PARD3: variants seen among roughly 807,000 people sequenced by gnomAD.
The protein encoded by PARD3 is par-3 family cell polarity regulator.
In PARD3, 75 loss-of-function variants were observed where a neutral mutation model predicts 155.4. The ratio of observed to expected loss-of-function variants is 0.48; its 90% confidence interval spans 0.40 to 0.58. The LOEUF (loss-of-function observed/expected upper bound fraction) is 0.58. Ranked by LOEUF, PARD3 falls within the 20% of genes least tolerant of loss-of-function variation. The pLI is 0.00. For missense variants in PARD3, 1,642 were observed against 1,721.7 expected, an observed-to-expected ratio of 0.95 and a Z score of 0.82; for synonymous variants, 576 against 610.5, an observed-to-expected ratio of 0.94 and a Z score of 0.83.
At chr10:34,790,700 G>C (rs1384290655) in intron 1 of PARD3, among the ~76,000 whole-genome samples, 1 of 152,222 alleles carries the variant, frequency 6.6e-6, no homozygotes, top group Non-Finnish European at 1.5e-5. Context: ...TGTAAGATTT[G>C]TGTAAATATT....
At chr10:34,782,579 A>T (rs935589454) in intron 1 of PARD3, among the ~76,000 whole-genome samples, 2 of 152,216 alleles carry the variant, frequency 1.3e-5, no homozygotes, top group African/African-American at 4.8e-5. Context: ...AAGACTTAAC[A>T]GTAGACATTA....
chr10:34,653,161 G>C (rs1048143495), intron 2 of PARD3, among the ~76,000 whole-genome samples: 1 of 152,088 alleles, frequency 6.6e-6, no homozygotes, highest in Non-Finnish European at 1.5e-5. Context: ...GGTATTTTGG[G>C]CTGTTACAAG....
At chr10:34,284,657 A>G (rs1956302518) in intron 20 of PARD3, among the ~76,000 whole-genome samples, 1 of 152,200 alleles carries the variant, frequency 6.6e-6, no homozygotes, top group South Asian at 2.1e-4. Flanking sequence ...CTAGTTAATA[A>G]TCTTTCCATA....
intron 2 of PARD3, 37 bp downstream of exon 2, chr10:34,696,281 A>AG: frequency 7.8e-7 from 1 of 1,276,740 alleles, no homozygotes. Flanking sequence ...AAAAAAAAAA[A>AG]TGCATTCAGA....
At position 34,423,866 on chromosome 10, in the gene PARD3, T is replaced by C. The variant is rs534024354; in HGVS notation, c.715-21949A>G. Among the ~76,000 whole-genome samples the C allele has an allele frequency of 3.9e-5, 6 of 152,262 alleles. No homozygotes were observed. In the South Asian group the frequency reaches 1.2e-3, roughly 32 times the overall value. ...TGGTGTTTTTCAACTCACAGAACCG[T>C]TATTAAAGTTCAAATATTAACAAAC... On this transcript the variant is annotated intron_variant, in intron 5 of 24. Transcript: ENST00000374788.
chr10:34,661,081 T>A (rs1044714660), intron 2 of PARD3, among the ~76,000 whole-genome samples: 1 of 152,194 alleles, frequency 6.6e-6, no homozygotes. Context: ...ACACTCAGAT[T>A]ATGACTAATG....
At chr10:34,538,686 G>C (rs1362155378) in intron 2 of PARD3, among the ~76,000 whole-genome samples, 2 of 152,224 alleles carry the variant, frequency 1.3e-5, no homozygotes, top group African/African-American at 4.8e-5. Context: ...GTGGAGGCCA[G>C]ACGAGCTGGG....
chr10:34,436,178 C>T (rs2076176832), intron 5 of PARD3, among the ~76,000 whole-genome samples: 1 of 152,166 alleles, frequency 6.6e-6, no homozygotes, highest in Admixed American at 6.5e-5. Context: ...TGAGCAAATG[C>T]TAAAGAATTG....
chr10:34,651,468 G>A (rs564156691), intron 2 of PARD3, among the ~76,000 whole-genome samples: 4 of 152,344 alleles, frequency 2.6e-5, no homozygotes, highest in South Asian at 2.1e-4. Flanking sequence ...CCAGCCAGAC[G>A]TGGGTGTCCC....
intron 2 of PARD3, among the ~76,000 whole-genome samples, chr10:34,664,925 G>A (rs1223821876): frequency 6.6e-6 from 1 of 152,032 alleles, no homozygotes; most frequent in African/African-American, 2.4e-5. Flanking sequence ...TTCTATGATG[G>A]CTTACAGAGA....
intron 2 of PARD3, among the ~76,000 whole-genome samples, chr10:34,615,471 A>G (rs1323158584): frequency 6.6e-6 from 1 of 152,226 alleles, no homozygotes; most frequent in Non-Finnish European, 1.5e-5. Flanking sequence ...CTAATGGATT[A>G]AAGACTTAAA....
Position 34,680,712 on chromosome 10 carries a change from T to G in PARD3, c.222+15606A>C, listed in dbSNP as rs2093797093. ...CTACATAACCAATTGGAAATCATCA[T>G]TCTCAGTAAACTATCGCAAGAGCAA... On this transcript the variant is annotated intron_variant, in intron 2 of 24. Transcript: ENST00000374788. Among the ~76,000 whole-genome samples, 4 of 151,654 alleles carry G rather than the reference T, an allele frequency of 2.6e-5. No individual in the cohort carries two copies. In the South Asian group the frequency reaches 8.3e-4, roughly 32 times the overall value.
At chr10:34,694,976 G>A (rs765956295) in intron 2 of PARD3, among the ~76,000 whole-genome samples, 13 of 152,146 alleles carry the variant, frequency 8.5e-5, no homozygotes, top group African/African-American at 2.9e-4. Flanking sequence ...GGCCAGGAAT[G>A]AGAAGGAGCC....
At chr10:34,147,164 T>G (rs1186236541) in intron 22 of PARD3, among the ~76,000 whole-genome samples, 1 of 152,152 alleles carries the variant, frequency 6.6e-6, no homozygotes, top group Non-Finnish European at 1.5e-5. Flanking sequence ...AGGACGAAAT[T>G]GAGTTCTTTT....
chr10:34,804,021 C>T (rs1186937387), intron 1 of PARD3, among the ~76,000 whole-genome samples: 4 of 145,570 alleles, frequency 2.7e-5, no homozygotes, highest in African/African-American at 1.1e-4. Context: ...TAGGGATCTA[C>T]TTGATTTGTT....
At chr10:34,303,613 CGATAA>C (rs1029309597) in intron 20 of PARD3, among the ~76,000 whole-genome samples, 2 of 149,712 alleles carry the variant, frequency 1.3e-5, no homozygotes, top group African/African-American at 5.0e-5. Context: ...AGCAGGAATT[CGATAA>C]GATGTTTTTT....
chr10:34,610,900 AGAGGTGGGGGG>A (rs1453986796), intron 2 of PARD3, among the ~76,000 whole-genome samples: 2 of 152,078 alleles, frequency 1.3e-5, no homozygotes, highest in Non-Finnish European at 2.9e-5. Flanking sequence ...GGTGATGGGG[AGAGGTGGGGGG>A]GAGTTTGAAA....
intron 14 of PARD3, among the ~76,000 whole-genome samples, chr10:34,355,311 G>C (rs190239661): frequency 6.6e-6 from 1 of 152,254 alleles, no homozygotes; most frequent in Admixed American, 6.5e-5. Context: ...CTAGGCAACA[G>C]AGCGAGAGAG....
intron 22 of PARD3, among the ~76,000 whole-genome samples, chr10:34,211,092 T>C (rs1246387268): frequency 6.6e-6 from 1 of 152,158 alleles, no homozygotes; most frequent in Non-Finnish European, 1.5e-5. Context: ...TGAGAACAGA[T>C]ACACAGCTCT....
Sources: allele counts gnomAD v4.1 joint callset (sites outside exome capture counted in the v4.1 genomes callset), GRCh38; gene constraint gnomAD v4.1.1; transcripts MANE v1.5; gene names NCBI Gene and HGNC (gene_info 2026-07-23, HGNC 2026-07-21).